The following SNX9 variants were observed in gnomAD, a reference collection of about 807,000 sequenced individuals.
SNX9 encodes sorting nexin-9.
A neutral mutation model predicts 89.4 loss-of-function variants in SNX9; 44 were observed. The observed-to-expected ratio is 0.49, with a 90% confidence interval of 0.39 to 0.63. The LOEUF (loss-of-function observed/expected upper bound fraction) is 0.63, where lower values mean the gene tolerates loss of function less well. Among genes scored for constraint, SNX9 ranks in the 30% least tolerant of loss-of-function variants. The probability of loss-of-function intolerance (pLI) is 0.00; values close to 1 mark genes in which losing one functional copy is unlikely to be tolerated. For synonymous variants in SNX9, 236 were observed against 247.8 expected (o/e 0.95, Z 0.45); for missense variants, 578 against 736.1 (o/e 0.79, Z 2.49).
chr6:157,928,539 T>C, intron 11 of SNX9, 60 bp from the exon 12 acceptor site: 1 of 1,353,028 alleles, frequency 7.4e-7, no homozygotes, highest in Middle Eastern at 1.8e-4. Context: ...TTGGCCCGAG[T>C]ATCCCCACAG....
intron 16 of SNX9, among the ~76,000 whole-genome samples, chr6:157,940,544 A>C (rs1259692484): frequency 2.0e-5 from 3 of 152,284 alleles, no homozygotes; most frequent in Admixed American, 6.5e-5. Flanking sequence ...CGGCCTCCCA[A>C]GTAGCTGGGA....
intron 17 of SNX9, among the ~76,000 whole-genome samples, chr6:157,942,048 A>G (rs1784046520): frequency 1.3e-5 from 2 of 152,266 alleles, no homozygotes; most frequent in South Asian, 4.1e-4. Context: ...TTGATTTTCA[A>G]GTCCAGGTAT....
At chr6:157,902,453 C>T (rs1446722534) in intron 6 of SNX9, among the ~76,000 whole-genome samples, 1 of 152,100 alleles carries the variant, frequency 6.6e-6, no homozygotes, top group Non-Finnish European at 1.5e-5. Flanking sequence ...TTGTATCATT[C>T]GCATGTAGCC....
At chr6:157,887,487 GT>G (rs2115153663) in intron 4 of SNX9, among the ~76,000 whole-genome samples, 1 of 152,210 alleles carries the variant, frequency 6.6e-6, no homozygotes, top group Admixed American at 6.5e-5. Flanking sequence ...CCCAGACTCT[GT>G]ATCCTCCCAC....
chr6:157,877,206 G>A (rs747282780), intron 4 of SNX9, among the ~76,000 whole-genome samples: 3 of 147,212 alleles, frequency 2.0e-5, no homozygotes, highest in Non-Finnish European at 4.5e-5. Flanking sequence ...TTTACTTGTA[G>A]TTTAATATAA....
At chr6:157,898,748 G>C (rs1298125614) in intron 5 of SNX9, among the ~76,000 whole-genome samples, 1 of 152,208 alleles carries the variant, frequency 6.6e-6, no homozygotes, top group Non-Finnish European at 1.5e-5. Flanking sequence ...TGTCTCCTCT[G>C]TAAGCACATT....
chr6:157,859,918 GTCATGTTATAGGA>G (rs1441428310), intron 1 of SNX9, among the ~76,000 whole-genome samples: 1 of 152,108 alleles, frequency 6.6e-6, no homozygotes, highest in Non-Finnish European at 1.5e-5. Flanking sequence ...TTTGTTCCGG[GTCATGTTATAGGA>G]GTCAGCAAAT....
At chr6:157,846,170 A>G (rs1415268416) in intron 1 of SNX9, among the ~76,000 whole-genome samples, 3 of 152,370 alleles carry the variant, frequency 2.0e-5, no homozygotes, top group African/African-American at 4.8e-5. Context: ...CTGTTAGGCA[A>G]AATCTCTTCC....
rs893706613 is a variant in SNX9, at chr6:157,844,916, T to C, written c.12+21470T>C. 5.9e-5 allele frequency among the ~76,000 whole-genome samples: 9 copies of C among 152,028 alleles called. No individual in the cohort carries two copies. In the East Asian group the frequency reaches 7.7e-4, roughly 13 times the overall value. On this transcript the variant is annotated intron_variant, in intron 1 of 17. Coordinates refer to ENST00000392185, the MANE Select transcript of SNX9 (RefSeq NM_016224.5). ...GGCCGTCGTCCTTGTTTTAAACATC[T>C]TTGTTTCAAACTATAAATTCCCAAA...
intron 5 of SNX9, among the ~76,000 whole-genome samples, chr6:157,899,554 CA>C (rs1478925907): frequency 1.3e-5 from 2 of 152,198 alleles, no homozygotes; most frequent in South Asian, 4.1e-4. Flanking sequence ...AGGCGGATCA[CA>C]AGGTCAGGAG....
intron 1 of SNX9, among the ~76,000 whole-genome samples, chr6:157,847,588 G>C (rs538757245): frequency 6.6e-6 from 1 of 152,140 alleles, no homozygotes; most frequent in African/African-American, 2.4e-5. Flanking sequence ...AAAGTGGCAA[G>C]CAGGAATGTG....
At chr6:157,910,452 G>C (rs1300617374) in intron 9 of SNX9, among the ~76,000 whole-genome samples, 3 of 152,224 alleles carry the variant, frequency 2.0e-5, no homozygotes, top group African/African-American at 4.8e-5. Flanking sequence ...TTCATTAGAT[G>C]AGTGAGCACT....
intron 4 of SNX9, among the ~76,000 whole-genome samples, chr6:157,877,769 A>G (rs1466928133): frequency 6.6e-6 from 1 of 151,998 alleles, no homozygotes; most frequent in Non-Finnish European, 1.5e-5. Flanking sequence ...TCAGGCATGC[A>G]TCTCTTCAGC....
chr6:157,861,676 A>G (rs1782125964), intron 1 of SNX9, among the ~76,000 whole-genome samples: 1 of 152,180 alleles, frequency 6.6e-6, no homozygotes, highest in Non-Finnish European at 1.5e-5. Flanking sequence ...GTGACGGGGG[A>G]TATGTTCCGA....
intron 1 of SNX9, among the ~76,000 whole-genome samples, chr6:157,832,000 G>A (rs889983760): frequency 3.9e-5 from 6 of 152,210 alleles, no homozygotes; most frequent in Non-Finnish European, 7.3e-5. Flanking sequence ...CTGTCAAACT[G>A]TGGGCATTTC....
intron 6 of SNX9, among the ~76,000 whole-genome samples, chr6:157,902,285 CTG>C (rs1023988796): frequency 2.6e-5 from 4 of 151,874 alleles, no homozygotes; most frequent in Non-Finnish European, 4.4e-5. Context: ...ATTTCCCAAA[CTG>C]TTTTCATTAC....
At position 157,938,767 on chromosome 6, in the gene SNX9, A is replaced by G; in HGVS notation, c.1648+20A>G. ...TGCAAGGTAAGATGAAAGGGTCCTT[A>G]TGAGGTGCTGGTGGAAGTTTTTTTT... is the stretch of plus-strand genomic sequence containing the variant. On this transcript the variant is annotated intron_variant, in intron 16 of 17. Transcript: ENST00000392185. 1 of 1,583,716 alleles carries G rather than the reference A, an allele frequency of 6.3e-7. No homozygotes were observed. Among genetic ancestry groups the G allele is most frequent in the Non-Finnish European group, 8.6e-7 (1 of 1,158,492 alleles).
At chr6:157,941,000 G>A (rs761928771) in intron 17 of SNX9, 26 bp downstream of exon 17, 22 of 1,595,672 alleles carry the variant, frequency 1.4e-5, no homozygotes, top group South Asian at 7.7e-5. Flanking sequence ...CGTGCCTTTC[G>A]CATGTGCTTG....
At chr6:157,886,550 G>A (rs927764344) in intron 4 of SNX9, among the ~76,000 whole-genome samples, 1 of 152,140 alleles carries the variant, frequency 6.6e-6, no homozygotes, top group Non-Finnish European at 1.5e-5. Flanking sequence ...GATATAAATT[G>A]TATATAAATG....
Sources: gnomAD v4.1 joint callset for allele counts (sites outside exome capture counted in the v4.1 genomes callset) on GRCh38, gnomAD v4.1.1 for gene constraint, MANE v1.5 for transcripts, NCBI Gene and HGNC (gene_info 2026-07-23, HGNC 2026-07-21) for gene names.